CDH1: variants seen among roughly 807,000 people sequenced by gnomAD.
CDH1 encodes cadherin-1.
In CDH1, 35 loss-of-function variants were observed where a neutral mutation model predicts 84.5. That is an observed-to-expected ratio of 0.41 (90% CI 0.32 to 0.55). The LOEUF (loss-of-function observed/expected upper bound fraction) is 0.55. Ranked by LOEUF, CDH1 falls within the 20% of genes least tolerant of loss-of-function variation. CDH1 has a pLI of 0.19. For missense variants in CDH1, 994 were observed against 1,126.6 expected, an observed-to-expected ratio of 0.88 and a Z score of 1.68; for synonymous variants, 417 against 439.0, an observed-to-expected ratio of 0.95 and a Z score of 0.63.
chr16:68,811,321 C>T (rs1960819476), intron 6 of CDH1, among the ~76,000 whole-genome samples: 1 of 149,586 alleles, frequency 6.7e-6, no homozygotes, highest in Admixed American at 6.8e-5. Flanking sequence ...TGCTTGAACC[C>T]GGGAGACAGA....
chr16:68,751,960 T>A (rs1213748131), intron 2 of CDH1, among the ~76,000 whole-genome samples: 1 of 150,568 alleles, frequency 6.6e-6, no homozygotes, highest in African/African-American at 2.4e-5. Context: ...GTATTTTTTT[T>A]TTTTTTTTGA....
rs1298108958 is a variant in CDH1, at chr16:68,756,953, G to A, written c.163+18542G>A. On this transcript the variant is annotated intron_variant, in intron 2 of 15. Transcript: ENST00000261769. The stretch of plus-strand genomic sequence containing the variant: ...GGAGGTTAAGGCTGCAGTGAGCTGC[G>A]TTTTGCACCACTGCACTCCAGCTTG... Among the ~76,000 whole-genome samples, 8 of 152,236 alleles carry A rather than the reference G, an allele frequency of 5.3e-5. No homozygotes were observed. The East Asian group carries it at 5.8e-4, about 11-fold the overall frequency.
chr16:68,807,460 A>T (rs143301979), intron 3 of CDH1, among the ~76,000 whole-genome samples: 48 of 152,262 alleles, frequency 3.2e-4, no homozygotes, highest in Middle Eastern at 6.8e-3. Flanking sequence ...GCTTGAGCCC[A>T]GGAGTTCGAG....
Position 68,832,022 on chromosome 16 carries a change from C to G in CDH1, c.2440-1268C>G, listed in dbSNP as rs544833316. 1.7e-4 allele frequency among the ~76,000 whole-genome samples: 26 copies of G among 152,242 alleles called. No individual in the cohort carries two copies. In the South Asian group the frequency reaches 5.4e-3, roughly 32 times the overall value. ...GCTGGAGGCCATTATCCTTAGCAAACTAATGCAGGAACAGAAAACCAAATA... is the reference window on the plus strand; with the variant it reads ...GCTGGAGGCCATTATCCTTAGCAAAGTAATGCAGGAACAGAAAACCAAATA... On this transcript the variant is annotated intron_variant, in intron 15 of 15. Coordinates refer to ENST00000261769, the MANE Select transcript of CDH1 (RefSeq NM_004360.5).
At chr16:68,780,157 C>T (rs1959836392) in intron 2 of CDH1, among the ~76,000 whole-genome samples, 1 of 151,816 alleles carries the variant, frequency 6.6e-6, no homozygotes, top group East Asian at 1.9e-4. Context: ...CTCCCTTCCT[C>T]CCTCCTTCCC....
intron 10 of CDH1, among the ~76,000 whole-genome samples, chr16:68,816,221 T>C (rs1254896455): frequency 6.6e-6 from 1 of 152,200 alleles, no homozygotes; most frequent in Non-Finnish European, 1.5e-5. Flanking sequence ...CTTCACCACA[T>C]TGGCCAGGCT....
chr16:68,744,146 A>G (rs1169173390), intron 2 of CDH1, among the ~76,000 whole-genome samples: 1 of 152,094 alleles, frequency 6.6e-6, no homozygotes, highest in Non-Finnish European at 1.5e-5. Context: ...CTTGGCCAAT[A>G]TTTTTCCCTC....
intron 2 of CDH1, among the ~76,000 whole-genome samples, chr16:68,743,621 C>T (rs1016441324): frequency 2.0e-5 from 3 of 152,014 alleles, no homozygotes; most frequent in African/African-American, 7.2e-5. Context: ...CTGCCTCAGC[C>T]TCCCTAAGTG....
At chr16:68,785,344 A>G (rs1463486153) in intron 2 of CDH1, among the ~76,000 whole-genome samples, 1 of 152,092 alleles carries the variant, frequency 6.6e-6, no homozygotes, top group Non-Finnish European at 1.5e-5. Context: ...GGCATGCACT[A>G]CCATGCCCAG....
At chr16:68,784,945 A>G (rs1282846218) in intron 2 of CDH1, among the ~76,000 whole-genome samples, 1 of 151,660 alleles carries the variant, frequency 6.6e-6, no homozygotes, top group Non-Finnish European at 1.5e-5. Flanking sequence ...TTTCACCCTC[A>G]TGCCTTTTGC....
In CDH1 at chr16:68,823,393, C is replaced by T. The variant is rs753223955; in HGVS notation, c.1937-6C>T. 6.3e-7 allele frequency: 1 copy of T among 1,597,818 alleles called. No individual in the cohort carries two copies. The highest frequency in any genetic ancestry group is 1.1e-5 in the South Asian group (1 of 90,734). On this transcript the variant is annotated splice_region_variant and splice_polypyrimidine_tract_variant and intron_variant, in intron 12 of 15. Coordinates refer to ENST00000261769, the MANE Select transcript of CDH1 (RefSeq NM_004360.5). ...TCTCATCATTTCTTTTTATTGCTTTCTCCAGCCCAAGAATCTATCATTTTG... is the reference window on the plus strand; with the variant it reads ...TCTCATCATTTCTTTTTATTGCTTTTTCCAGCCCAAGAATCTATCATTTTG...
In CDH1 at chr16:68,819,274, G is replaced by T; in HGVS notation, c.1566-6G>T. 6.2e-7 allele frequency: 1 copy of T among 1,614,196 alleles called. No homozygotes were observed. The highest frequency in any genetic ancestry group is 1.1e-5 in the South Asian group (1 of 91,084). ...ATTCTAAAAGCCAGAGCTTGTCCCC[G>T]TTCAGATATCGGATTTGGAGAGACA... On this transcript the variant is annotated splice_polypyrimidine_tract_variant and splice_region_variant and intron_variant, in intron 10 of 15. Transcript: ENST00000261769.
chr16:68,818,011 G>C (rs1445187263), intron 10 of CDH1, among the ~76,000 whole-genome samples: 1 of 151,992 alleles, frequency 6.6e-6, no homozygotes, highest in South Asian at 2.1e-4. Context: ...GGCCGAGATG[G>C]GTGGATCATC....
intron 2 of CDH1, among the ~76,000 whole-genome samples, chr16:68,745,564 G>GTATATATATA (rs1380951369): frequency 8.9e-6 from 1 of 112,554 alleles, no homozygotes; most frequent in African/African-American, 3.6e-5. Flanking sequence ...ATATATATAT[G>GTATATATATA]TATATATATA....
intron 2 of CDH1, among the ~76,000 whole-genome samples, chr16:68,745,564 G>GTATATATATATATATGTA (rs1380951369): frequency 1.2e-4 from 14 of 112,544 alleles, no homozygotes; most frequent in Admixed American, 3.6e-4. Context: ...ATATATATAT[G>GTATATATATATATATGTA]TATATATATA....
At chr16:68,745,584 A>AATATATGTGTATATAT (rs1555510493) in intron 2 of CDH1, among the ~76,000 whole-genome samples, 1 of 45,304 alleles carries the variant, frequency 2.2e-5, no homozygotes, top group Non-Finnish European at 4.4e-5. Flanking sequence ...ATGTATGTGT[A>AATATATGTGTATATAT]ATATATGTGT....
At chr16:68,784,083 A>C (rs4783572) in intron 2 of CDH1, among the ~76,000 whole-genome samples, 137,429 of 152,208 alleles carry the variant, frequency 0.9, 62,354 homozygotes, top group African/African-American at 0.98. Context: ...CATAAACAAG[A>C]TTGTAGTGGC....
chr16:68,802,985 T>TAG (rs1223100877), intron 3 of CDH1, among the ~76,000 whole-genome samples: 4 of 152,266 alleles, frequency 2.6e-5, no homozygotes, highest in African/African-American at 9.6e-5. Context: ...GATGGATGGA[T>TAG]GTCTGCCTGG....
At chr16:68,757,477 C>T (rs1407772246) in intron 2 of CDH1, among the ~76,000 whole-genome samples, 1 of 152,212 alleles carries the variant, frequency 6.6e-6, no homozygotes, top group Non-Finnish European at 1.5e-5. Context: ...TGCTAATCCT[C>T]TCACTTCCAC....
Sources: allele counts gnomAD v4.1 joint callset (sites outside exome capture counted in the v4.1 genomes callset), GRCh38; gene constraint gnomAD v4.1.1; transcripts MANE v1.5; gene names NCBI Gene and HGNC (gene_info 2026-07-23, HGNC 2026-07-21).